The following DLG1 variants were observed in gnomAD, a reference collection of about 807,000 sequenced individuals.
DLG1 encodes discs large MAGUK scaffold protein 1, also known as disks large homolog 1.
In DLG1, 42 loss-of-function variants were observed where a neutral mutation model predicts 123.4. That is an observed-to-expected ratio of 0.34 (90% CI 0.27 to 0.44). The LOEUF is 0.44. Among genes scored for constraint, DLG1 ranks in the 20% least tolerant of loss-of-function variants. The pLI is 1.00. For synonymous variants in DLG1, 317 were observed against 356.2 expected (o/e 0.89, Z 1.24); for missense variants, 942 against 1,082.6 (o/e 0.87, Z 1.82).
chr3:197,081,137 T>G lies in DLG1; in HGVS notation c.1839-20A>C, dbSNP rs1333380691. The G allele has an allele frequency of 4.4e-6, 7 of 1,604,728 alleles. No homozygotes were observed. In the East Asian group the frequency reaches 1.6e-4, roughly 36 times the overall value. On this transcript the variant is annotated intron_variant, in intron 16 of 24. Coordinates refer to ENST00000667157, the MANE Select transcript of DLG1 (RefSeq NM_001366207.1). ...TCAACTCTGTCAAAGTATAGAATGT[T>G]ATTTTTTAAGTAAACCAAACATATC...
intron 4 of DLG1, among the ~76,000 whole-genome samples, chr3:197,201,188 C>A (rs2150325782): frequency 6.6e-6 from 1 of 152,302 alleles, no homozygotes; most frequent in South Asian, 2.1e-4. Flanking sequence ...TCGAGACCAT[C>A]CAGGCTAACA....
At chr3:197,133,598 C>T (rs574808379) in intron 10 of DLG1, among the ~76,000 whole-genome samples, 6 of 152,232 alleles carry the variant, frequency 3.9e-5, no homozygotes, top group African/African-American at 1.2e-4. Flanking sequence ...CAAAGTTTTA[C>T]GCCAGAGAAA....
intron 5 of DLG1, among the ~76,000 whole-genome samples, chr3:197,166,117 T>C (rs547809558): frequency 1.3e-5 from 2 of 152,072 alleles, no homozygotes; most frequent in African/African-American, 4.8e-5. Flanking sequence ...CTGTGTGTGG[T>C]TGGAACCCAA....
chr3:197,127,918 A>G (rs1579865250), intron 11 of DLG1, among the ~76,000 whole-genome samples: 1 of 152,152 alleles, frequency 6.6e-6, no homozygotes, highest in East Asian at 1.9e-4. Flanking sequence ...TTATTGCTAA[A>G]AAAAAACCGC....
At chr3:197,175,368 G>A (rs1806453417) in intron 5 of DLG1, among the ~76,000 whole-genome samples, 2 of 152,166 alleles carry the variant, frequency 1.3e-5, no homozygotes, top group South Asian at 2.1e-4. Flanking sequence ...TAAAGAGACT[G>A]ATACTAAGTA....
At chr3:197,112,536 T>C (rs909054081) in intron 13 of DLG1, among the ~76,000 whole-genome samples, 2 of 152,192 alleles carry the variant, frequency 1.3e-5, no homozygotes, top group Non-Finnish European at 2.9e-5. Flanking sequence ...TAGTATGTCA[T>C]GTATGTGCTG....
intron 8 of DLG1, 33 bp from the exon 9 acceptor site, chr3:197,138,424 T>C: frequency 1.8e-6 from 2 of 1,129,672 alleles, no homozygotes; most frequent in Non-Finnish European, 2.3e-6. Context: ...AAAATAAAAA[T>C]TAAATATAAT....
chr3:197,051,832 A>G (rs939589532), intron 23 of DLG1, among the ~76,000 whole-genome samples, 164 bp from the exon 24 acceptor site: 1 of 135,846 alleles, frequency 7.4e-6, no homozygotes, highest in East Asian at 2.3e-4. Context: ...CATTTCTGGG[A>G]ATTTTTTTTT....
chr3:197,044,829 T>C (rs748593021), intron 24 of DLG1, 100 bp from the exon 25 acceptor site: 17 of 640,392 alleles, frequency 2.7e-5, no homozygotes, highest in Non-Finnish European at 4.0e-5. Flanking sequence ...TTGAAAAAGT[T>C]ACTCATCCAG....
At chr3:197,145,620 T>A (rs552546637) in intron 6 of DLG1, among the ~76,000 whole-genome samples, 174 of 152,260 alleles carry the variant, frequency 1.1e-3, no homozygotes, top group African/African-American at 3.7e-3. Flanking sequence ...TAACGTAAAA[T>A]TTTGATACTG....
chr3:197,138,061 A>G (rs1786012480), intron 9 of DLG1, among the ~76,000 whole-genome samples, 161 bp downstream of exon 9: 1 of 152,192 alleles, frequency 6.6e-6, no homozygotes, highest in Non-Finnish European at 1.5e-5. Flanking sequence ...AATGCTACGT[A>G]AGACAAAAAT....
chr3:197,260,750 C>CAAAA (rs570596943), intron 4 of DLG1, among the ~76,000 whole-genome samples: 44 of 18,308 alleles, frequency 2.4e-3, no homozygotes, highest in South Asian at 3.9e-3. Context: ...TGACAACCAC[C>CAAAA]AAAAAAAAAA....
Position 197,081,056 on chromosome 3 carries a change from T to C in DLG1, c.1900A>G (p.Lys634Glu), listed in dbSNP as rs1750844973. ...TAGAGATTTCAAATACTCACCCCTT[T>C]ATCTCTCGTTTTAGAATTGAATTTC... ...TVKFNSKTRDKGQSFNDKRKK... is the reference protein window; with the variant it reads ...TVKFNSKTRDEGQSFNDKRKK... Residue 634 changes from lysine (K) to glutamate (E), a missense_variant, in exon 17 of 25, where the codon AAA becomes GAA. Lys to Glu is a moderately conservative substitution (Grantham distance 56, BLOSUM62 1). Coordinates refer to ENST00000667157, the MANE Select transcript of DLG1 (RefSeq NM_001366207.1). The C allele has an allele frequency of 1.2e-6, 2 of 1,612,850 alleles. No homozygotes were observed. Among genetic ancestry groups the C allele is most frequent in the African/African-American group, 2.7e-5 (2 of 74,892 alleles).
At chr3:197,253,734 C>G (rs1014243519) in intron 4 of DLG1, among the ~76,000 whole-genome samples, 1 of 151,990 alleles carries the variant, frequency 6.6e-6, no homozygotes, top group African/African-American at 2.4e-5. Context: ...AAAAAGGCCT[C>G]GAGTGATCTT....
chr3:197,294,000 G>A (rs450891), intron 3 of DLG1: 85,662 of 151,920 alleles, frequency 0.56, 24,675 homozygotes, highest in East Asian at 0.78. Flanking sequence ...GCTTAGGGCA[G>A]TTTACAAGCT....
chr3:197,221,052 T>G (rs1410320949), intron 4 of DLG1, among the ~76,000 whole-genome samples: 1 of 152,212 alleles, frequency 6.6e-6, no homozygotes, highest in Non-Finnish European at 1.5e-5. Context: ...AATAAGAATA[T>G]CTTAAGTTAC....
At chr3:197,190,993 G>C (rs1175199547) in intron 5 of DLG1, among the ~76,000 whole-genome samples, 1 of 152,170 alleles carries the variant, frequency 6.6e-6, no homozygotes, top group Non-Finnish European at 1.5e-5. Flanking sequence ...CTGGGCGACA[G>C]AGCGAGACTT....
intron 5 of DLG1, among the ~76,000 whole-genome samples, chr3:197,178,889 G>A (rs975961823): frequency 6.6e-6 from 1 of 152,120 alleles, no homozygotes; most frequent in African/African-American, 2.4e-5. Flanking sequence ...ATTATAGCAG[G>A]TGTACATCCT....
intron 5 of DLG1, among the ~76,000 whole-genome samples, chr3:197,163,498 G>A (rs950127794): frequency 1.3e-5 from 2 of 151,746 alleles, no homozygotes; most frequent in South Asian, 2.1e-4. Context: ...TACACAAAAC[G>A]TGATAATATA....
Sources: gnomAD v4.1 joint callset for allele counts (sites outside exome capture counted in the v4.1 genomes callset) on GRCh38, gnomAD v4.1.1 for gene constraint, MANE v1.5 for transcripts, NCBI Gene and HGNC (gene_info 2026-07-23, HGNC 2026-07-21) for gene names.